THNSL1: variants seen among roughly 807,000 people sequenced by gnomAD.
THNSL1 encodes the protein threonine synthase like 1, also known as threonine synthase-like 1.
A neutral mutation model predicts 50.4 loss-of-function variants in THNSL1; 48 were observed. The observed-to-expected ratio is 0.95, with a 90% CI of 0.76 to 1.21. The LOEUF is 1.21. THNSL1 is among the 50% of genes most tolerant of loss of function. THNSL1 has a pLI of 0.00. For missense variants in THNSL1, 896 were observed against 871.7 expected, an observed-to-expected ratio of 1.03 and a Z score of -0.35; for synonymous variants, 309 against 306.1, an observed-to-expected ratio of 1.01 and a Z score of -0.10.
chr10:24,986,724 T>C, the THNSL1 span, among the ~76,000 whole-genome samples: 2 of 152,196 alleles, frequency 1.3e-5, no homozygotes, highest in Non-Finnish European at 2.9e-5. Context: ...ACAATAACGT[T>C]TGGATCAAAG....
chr10:24,967,723 TATGTGTGTATG>T, the THNSL1 span, among the ~76,000 whole-genome samples: 5 of 150,824 alleles, frequency 3.3e-5, no homozygotes, highest in African/African-American at 1.2e-4. Flanking sequence ...ACGTGTGTGA[TATGTGTGTATG>T]ATGTGTGTAT....
the THNSL1 span, among the ~76,000 whole-genome samples, chr10:24,956,747 G>T: frequency 6.6e-6 from 1 of 152,098 alleles, no homozygotes; most frequent in Non-Finnish European, 1.5e-5. Flanking sequence ...CATACAGCAG[G>T]TGTCCCCAAC....
Position 25,023,841 on chromosome 10 carries a change from G to T in THNSL1, c.618G>T (p.Gly206=), listed in dbSNP as rs979296280. The T allele has an allele frequency of 7.4e-6, 12 of 1,613,988 alleles. No homozygotes were observed. The Admixed American group carries it at 1.5e-4, about 20-fold the overall frequency. Residue 206 remains glycine (G), a synonymous_variant, in exon 3 of 3, where the codon GGG becomes GGT. Transcript: ENST00000376356. ...WYDARVFCES[G]ASPEEVADKV... Reference sequence around the variant, plus strand: ...ATGCTCGTGTTTTCTGTGAAAGTGGGGCTTCCCCAGAGGAGGTAGCTGACA... The same window carrying T: ...ATGCTCGTGTTTTCTGTGAAAGTGGTGCTTCCCCAGAGGAGGTAGCTGACA...
Position 25,024,545 on chromosome 10 carries a change from A to G in THNSL1, c.1322A>G (p.Gln441Arg), listed in dbSNP as rs113188454. 1 of 1,614,232 alleles carries G rather than the reference A, an allele frequency of 6.2e-7. No homozygotes were observed. The highest frequency in any genetic ancestry group is 8.5e-7 in the Non-Finnish European group (1 of 1,180,032). ...GTTGAGTCAGATTTTGATTTTTGCCAGACAGCTATAAAAAGAATTTTTAAT... is the reference window on the plus strand; with the variant it reads ...GTTGAGTCAGATTTTGATTTTTGCCGGACAGCTATAAAAAGAATTTTTAAT... ...VGVESDFDFC[Q>R]TAIKRIFNDS... Residue 441 changes from glutamine to arginine, a missense_variant, in exon 3 of 3, where the codon CAG becomes CGG. By Grantham distance (43) the Gln-to-Arg change is conservative (BLOSUM62 1). Coordinates refer to ENST00000376356, the MANE Select transcript of THNSL1 (RefSeq NM_024838.5).
upstream of THNSL1, chr10:25,015,810 G>C: frequency 6.6e-7 from 1 of 1,512,368 alleles, no homozygotes; most frequent in Admixed American, 2.1e-5. Context: ...AATTAATACT[G>C]AGTATTCCCC....
the THNSL1 span, among the ~76,000 whole-genome samples, chr10:24,988,650 G>C: frequency 1.2e-5 from 1 of 81,186 alleles, no homozygotes; most frequent in East Asian, 4.0e-4. Context: ...AAAATGTAGA[G>C]TGACACAGCA....
the THNSL1 span, among the ~76,000 whole-genome samples, chr10:24,976,112 A>C: frequency 8.5e-5 from 13 of 152,178 alleles, no homozygotes; most frequent in Admixed American, 2.6e-4. Flanking sequence ...AAAAACTCAG[A>C]ATATTGTGGT....
the THNSL1 span, among the ~76,000 whole-genome samples, chr10:24,981,784 G>T: frequency 6.6e-6 from 1 of 152,190 alleles, no homozygotes; most frequent in African/African-American, 2.4e-5. Flanking sequence ...TTAGTAAGCA[G>T]CTGAGCTGGA....
chr10:25,019,417 T>A (rs1378790321), intron 1 of THNSL1, among the ~76,000 whole-genome samples: 1 of 152,160 alleles, frequency 6.6e-6, no homozygotes, highest in Non-Finnish European at 1.5e-5. Flanking sequence ...AAGGCTGTAG[T>A]GAGCCAAGAT....
chr10:24,999,541 A>T, the THNSL1 span: 5,986 of 1,604,076 alleles, frequency 3.7e-3, 45 homozygotes, highest in Non-Finnish European at 3.3e-3. Flanking sequence ...AAAAATGGAT[A>T]TGTACCTAAA....
the THNSL1 span, among the ~76,000 whole-genome samples, chr10:25,007,656 G>A: frequency 0.029 from 4,380 of 152,108 alleles, 140 homozygotes; most frequent in African/African-American, 0.078. Context: ...GGATGTTCTC[G>A]ATCTCCTGAC....
the THNSL1 span, among the ~76,000 whole-genome samples, chr10:24,957,641 C>T: frequency 4.6e-5 from 7 of 152,054 alleles, no homozygotes; most frequent in Non-Finnish European, 5.9e-5. Context: ...CCACCACGCC[C>T]GGCTAATTTT....
chr10:24,999,689 G>C, the THNSL1 span: 1 of 779,450 alleles, frequency 1.3e-6, no homozygotes, highest in South Asian at 1.9e-5. Flanking sequence ...ATACTTACCT[G>C]AGCCCTGTCC....
the THNSL1 span, among the ~76,000 whole-genome samples, chr10:24,980,082 C>T: frequency 6.6e-6 from 1 of 152,226 alleles, no homozygotes; most frequent in Admixed American, 6.5e-5. Context: ...ACTAACTAAT[C>T]TCCCCATGCT....
the THNSL1 span, among the ~76,000 whole-genome samples, chr10:25,003,910 G>A: frequency 6.6e-6 from 1 of 152,124 alleles, no homozygotes; most frequent in Non-Finnish European, 1.5e-5. Context: ...CTCACTTTAA[G>A]TGAGAATTTA....
At chr10:24,953,730 G>T in the THNSL1 span, among the ~76,000 whole-genome samples, 2 of 152,184 alleles carry the variant, frequency 1.3e-5, no homozygotes, top group Non-Finnish European at 2.9e-5. Flanking sequence ...GGCGTCTTTT[G>T]TTCATCTTCG....
the THNSL1 span, among the ~76,000 whole-genome samples, chr10:24,968,445 C>T: frequency 3.9e-5 from 6 of 152,166 alleles, no homozygotes; most frequent in African/African-American, 1.4e-4. Flanking sequence ...CAGGTGCCAA[C>T]ATCCCCTTGC....
chr10:25,023,116 A>G (rs961576765), intron 2 of THNSL1, 60 bp from the exon 3 acceptor site: 20 of 1,044,850 alleles, frequency 1.9e-5, no homozygotes, highest in African/African-American at 3.2e-5. Flanking sequence ...TTAACAATCT[A>G]CTGTAATTAG....
chr10:25,021,916 A>C lies in THNSL1; in HGVS notation c.-49+8A>C, dbSNP rs1850726253. On this transcript the variant is annotated splice_region_variant and intron_variant, in intron 2 of 2. Coordinates refer to ENST00000376356, the MANE Select transcript of THNSL1 (RefSeq NM_024838.5). ...ACGGCTCTAATTTTACTTGTAAGTT[A>C]AATTCAGAGTTAGCTTAAAATCATT... 1 of 152,232 alleles carries C rather than the reference A, an allele frequency of 6.6e-6. No individual in the cohort carries two copies. 9.4% of individuals were successfully genotyped at this position (152,232 alleles called of 1,614,324 possible). A position where few individuals can be genotyped will look rare whatever the true frequency, so the allele number is the denominator to read the frequency against.
Sources: gnomAD v4.1 joint callset for allele counts (sites outside exome capture counted in the v4.1 genomes callset) on GRCh38, gnomAD v4.1.1 for gene constraint, MANE v1.5 for transcripts, NCBI Gene and HGNC (gene_info 2026-07-23, HGNC 2026-07-21) for gene names.